SOS2: variants seen among roughly 807,000 people sequenced by gnomAD.
SOS2 encodes SOS Ras/Rho guanine nucleotide exchange factor 2.
A neutral mutation model predicts 148.2 loss-of-function variants in SOS2; 65 were observed. The observed-to-expected ratio is 0.44, with a 90% confidence interval of 0.36 to 0.54. SOS2 has a LOEUF of 0.54. Among genes scored for constraint, SOS2 ranks in the 20% least tolerant of loss-of-function variants. The pLI is 0.00. For synonymous variants in SOS2, 539 were observed against 537.1 expected (o/e 1.00, Z -0.05); for missense variants, 1,341 against 1,590.2 (o/e 0.84, Z 2.67).
intron 7 of SOS2, among the ~76,000 whole-genome samples, chr14:50,175,323 T>C (rs967996130): frequency 2.0e-5 from 3 of 152,214 alleles, no homozygotes; most frequent in African/African-American, 2.4e-5. Context: ...ATAACATAGA[T>C]AGATGACATT....
At chr14:50,142,252 C>G (rs146935771) in intron 16 of SOS2, among the ~76,000 whole-genome samples, 23,145 of 152,072 alleles carry the variant, frequency 0.15, 2,426 homozygotes, top group Admixed American at 0.32. Context: ...ATGTGATCCA[C>G]CCACCTCAGC....
chr14:50,180,764 TC>T, intron 6 of SOS2, 82 bp from the exon 7 acceptor site: 1 of 767,976 alleles, frequency 1.3e-6, no homozygotes, highest in Non-Finnish European at 2.1e-6. Context: ...TATCACTTGA[TC>T]CCAGGAGTTC....
At chr14:50,169,486 A>G (rs1339536423) in intron 8 of SOS2, among the ~76,000 whole-genome samples, 4 of 152,032 alleles carry the variant, frequency 2.6e-5, no homozygotes, top group South Asian at 2.1e-4. Flanking sequence ...AAAAAAATAG[A>G]AAAATCAGCT....
intron 1 of SOS2, among the ~76,000 whole-genome samples, chr14:50,216,498 C>A (rs1378604319): frequency 6.6e-6 from 1 of 152,076 alleles, no homozygotes; most frequent in Non-Finnish European, 1.5e-5. Context: ...GTTGCTCACA[C>A]CTGTAATCCC....
chr14:50,216,161 A>G (rs940241824), intron 1 of SOS2, among the ~76,000 whole-genome samples: 1 of 151,294 alleles, frequency 6.6e-6, no homozygotes, highest in Non-Finnish European at 1.5e-5. Flanking sequence ...AGTGGCAGCA[A>G]TCTTGGCTCA....
chr14:50,146,692 A>AATATTC (rs1227259024), intron 14 of SOS2, among the ~76,000 whole-genome samples: 1 of 152,102 alleles, frequency 6.6e-6, no homozygotes, highest in African/African-American at 2.4e-5. Context: ...CGTTTACAAG[A>AATATTC]ATATTCAGTG....
chr14:50,133,185 T>C (rs756492271), intron 19 of SOS2, among the ~76,000 whole-genome samples: 64 of 151,562 alleles, frequency 4.2e-4, no homozygotes, highest in Non-Finnish European at 8.7e-4. Context: ...ATCTTTTAAT[T>C]CCATCAAAAA....
intron 4 of SOS2, among the ~76,000 whole-genome samples, chr14:50,195,849 T>C (rs1886293822): frequency 6.6e-6 from 1 of 151,822 alleles, no homozygotes; most frequent in Admixed American, 6.6e-5. Context: ...GCCAACATAG[T>C]GAAACCCCGT....
At chr14:50,142,153 G>A (rs558438231) in intron 16 of SOS2, among the ~76,000 whole-genome samples, 11 of 151,720 alleles carry the variant, frequency 7.3e-5, no homozygotes, top group Admixed American at 3.3e-4. Context: ...GATTACAGGC[G>A]CCCGCCAGCA....
chr14:50,191,800 T>G (rs989470352), intron 4 of SOS2, among the ~76,000 whole-genome samples: 2 of 152,182 alleles, frequency 1.3e-5, no homozygotes, highest in Admixed American at 1.3e-4. Context: ...ATGAAAAGTC[T>G]GGGATTTACA....
At chr14:50,204,033 AC>A (rs1346485881) in intron 2 of SOS2, among the ~76,000 whole-genome samples, 1 of 151,746 alleles carries the variant, frequency 6.6e-6, no homozygotes, top group African/African-American at 2.4e-5. Flanking sequence ...ATTTTTGTCT[AC>A]GGCATGAGAT....
Position 50,130,560 on chromosome 14 carries a change from G to T in SOS2, c.3278C>A (p.Pro1093Gln), listed in dbSNP as rs2139512353. 6.2e-7 allele frequency: 1 copy of T among 1,613,702 alleles called. No homozygotes were observed. Among genetic ancestry groups the T allele is most frequent in the East Asian group, 2.2e-5 (1 of 44,884 alleles). ...ACTAAGGTCTGAAGAAGCAGATACTGGTGGAGTAGATGGTGTATTTGGAGA... is the reference window on the plus strand; with the variant it reads ...ACTAAGGTCTGAAGAAGCAGATACTTGTGGAGTAGATGGTGTATTTGGAGA... ...PTSPNTPSTP[P>Q]VSASSDLSVF... Residue 1093 changes from proline to glutamine, a missense_variant, in exon 20 of 23, where the codon CCA (proline) becomes CAA (glutamine). Physicochemically the swap from Pro to Gln is moderately conservative, Grantham distance 76. This residue lies in a region of SOS2 where 354 missense variants were observed against 347.7 expected (regional missense o/e 1.02). Coordinates refer to ENST00000216373, the MANE Select transcript of SOS2 (RefSeq NM_006939.4).
intron 18 of SOS2, among the ~76,000 whole-genome samples, chr14:50,138,249 T>C (rs1345926400): frequency 1.3e-5 from 2 of 151,994 alleles, no homozygotes; most frequent in African/African-American, 4.8e-5. Context: ...CTACCCCTCC[T>C]AGGCTCAAGT....
At chr14:50,129,267 A>G (rs1360588203) in intron 21 of SOS2, among the ~76,000 whole-genome samples, 1 of 152,140 alleles carries the variant, frequency 6.6e-6, no homozygotes, top group Non-Finnish European at 1.5e-5. Flanking sequence ...AACATTTACT[A>G]TATTATTGCC....
At chr14:50,163,491 AG>A (rs1885076891) in intron 8 of SOS2, among the ~76,000 whole-genome samples, 1 of 152,180 alleles carries the variant, frequency 6.6e-6, no homozygotes, top group Non-Finnish European at 1.5e-5. Flanking sequence ...ACACATGTAG[AG>A]GTCTTGTCAT....
chr14:50,216,062 T>C (rs1887032293), intron 1 of SOS2, among the ~76,000 whole-genome samples: 1 of 151,512 alleles, frequency 6.6e-6, no homozygotes, highest in African/African-American at 2.4e-5. Flanking sequence ...TTAAGAATAC[T>C]GGCAATGTTT....
chr14:50,147,569 T>C (rs894645249), intron 14 of SOS2, among the ~76,000 whole-genome samples: 8 of 149,542 alleles, frequency 5.3e-5, no homozygotes, highest in African/African-American at 1.7e-4. Context: ...TTTATGAATC[T>C]CCGTGTATGT....
rs1566814466 is a variant in SOS2 at position 50,118,490 on chromosome 14, C to T, written c.3853G>A (p.Ala1285Thr). The change falls in exon 23 of 23, where the codon GCT (alanine) becomes ACT (threonine). Residue 1285 changes from alanine (A) to threonine (T), a missense_variant. This residue lies in a region of SOS2 where 354 missense variants were observed against 347.7 expected (regional missense o/e 1.02). Coordinates refer to ENST00000216373, the MANE Select transcript of SOS2 (RefSeq NM_006939.4). ...GGAACAGGGGGAGCTGGAGGATGAG[C>T]AAGATTATTCTGACTAGAACTGAGC... Reference protein sequence around the residue: ...YVLSSSQNNLAHPPAPPVPPR... With the variant: ...YVLSSSQNNLTHPPAPPVPPR... The T allele has an allele frequency of 6.2e-7, 1 of 1,614,080 alleles. No individual in the cohort carries two copies. Among genetic ancestry groups the T allele is most frequent in the East Asian group, 2.2e-5 (1 of 44,892 alleles).
At chr14:50,184,564 T>C (rs1045296527) in intron 5 of SOS2, among the ~76,000 whole-genome samples, 1 of 151,844 alleles carries the variant, frequency 6.6e-6, no homozygotes, top group Non-Finnish European at 1.5e-5. Context: ...GATTAGAGGA[T>C]TGAAGGGTTA....
Sources: allele counts gnomAD v4.1 joint callset (sites outside exome capture counted in the v4.1 genomes callset), GRCh38; gene constraint gnomAD v4.1.1; regional missense constraint gnomAD v4.1.1; transcripts MANE v1.5; gene names NCBI Gene and HGNC (gene_info 2026-07-23, HGNC 2026-07-21).